The following ECI2 variants were observed in gnomAD, a reference collection of about 807,000 sequenced individuals.
The protein encoded by ECI2 is enoyl-CoA delta isomerase 2.
A neutral mutation model predicts 38.4 loss-of-function variants in ECI2; 27 were observed. The ratio of observed to expected loss-of-function variants is 0.70; its 90% CI spans 0.52 to 0.97. ECI2 has a LOEUF of 0.97. Among genes scored for constraint, ECI2 ranks in the 50% least tolerant of loss-of-function variants. The pLI is 0.00. For missense variants in ECI2, 470 were observed against 474.4 expected, an observed-to-expected ratio of 0.99 and a Z score of 0.09; for synonymous variants, 168 against 172.0, an observed-to-expected ratio of 0.98 and a Z score of 0.18.
chr6:4,116,559 A>G (rs1342920107), intron 9 of ECI2, among the ~76,000 whole-genome samples: 3 of 151,368 alleles, frequency 2.0e-5, no homozygotes, highest in African/African-American at 7.3e-5. Context: ...TCCCTGCCTC[A>G]GCATCCAGAG....
chr6:4,120,525 G>A (rs1401847847), intron 7 of ECI2, among the ~76,000 whole-genome samples: 6 of 152,084 alleles, frequency 3.9e-5, no homozygotes, highest in Non-Finnish European at 8.8e-5. Flanking sequence ...TCAGCAGTTC[G>A]AGACCAGCCT....
chr6:4,115,948 G>T lies in ECI2; in HGVS notation c.1111C>A (p.Leu371Ile), dbSNP rs907854084. The T allele has an allele frequency of 6.2e-7, 1 of 1,614,060 alleles. No individual in the cohort carries two copies. Among genetic ancestry groups the T allele is most frequent in the African/African-American group, 1.3e-5 (1 of 74,926 alleles). Residue 371 changes from leucine (L) to isoleucine (I), a missense_variant, in exon 10 of 10, where the codon CTT becomes ATT. Coordinates refer to ENST00000380118, the MANE Select transcript of ECI2 (RefSeq NM_206836.3). ...HAVNAEECNV[L>I]QGRWLSDECT... ...TCATCTGATAGCCATCTTCCCTGAAGGACATTGCATTCTTCAGCATTAACA... is the reference window on the plus strand; with the variant it reads ...TCATCTGATAGCCATCTTCCCTGAATGACATTGCATTCTTCAGCATTAACA...
chr6:4,117,710 G>C (rs1487962096), intron 8 of ECI2: 1 of 350,964 alleles, frequency 2.8e-6, no homozygotes, highest in Non-Finnish European at 5.1e-6. Context: ...GTCCAGGGCA[G>C]AAATGATCTG....
intron 5 of ECI2, 59 bp downstream of exon 5, chr6:4,127,703 T>G (rs1773261174): frequency 6.5e-7 from 1 of 1,548,608 alleles, no homozygotes; most frequent in African/African-American, 1.4e-5. Flanking sequence ...CAATTTCCTA[T>G]CTATTAAGAG....
chr6:4,118,032 A>G (rs1285662711), intron 8 of ECI2: 1 of 152,216 alleles, frequency 6.6e-6, no homozygotes, highest in Non-Finnish European at 1.5e-5. Context: ...CAGAAAAGGA[A>G]TGCTCTTCTT....
intron 2 of ECI2, among the ~76,000 whole-genome samples, chr6:4,131,407 A>G (rs1263876844): frequency 6.6e-6 from 1 of 152,230 alleles, no homozygotes; most frequent in Non-Finnish European, 1.5e-5. Context: ...GTAAAAAGCA[A>G]AAAGGAATTA....
At chr6:4,130,160 T>G (rs373910878) in intron 4 of ECI2, 5 of 1,613,804 alleles carry the variant, frequency 3.1e-6, no homozygotes, top group Non-Finnish European at 3.4e-6. Context: ...CAGTGCCTTC[T>G]GGGTATATCA....
At chr6:4,135,337 G>A (rs944305353) in intron 1 of ECI2, 174 bp downstream of exon 1, 3 of 1,471,006 alleles carry the variant, frequency 2.0e-6, no homozygotes. Context: ...GGTGCAGGAG[G>A]GCGCGCGTGA....
At chr6:4,132,344 G>A (rs1773540468) in intron 2 of ECI2, among the ~76,000 whole-genome samples, 3 of 152,002 alleles carry the variant, frequency 2.0e-5, no homozygotes, top group Admixed American at 2.0e-4. Flanking sequence ...GGTGTCCAGA[G>A]TTTTTAACAG....
chr6:4,135,276 A>C, intron 1 of ECI2: 4 of 1,217,032 alleles, frequency 3.3e-6, no homozygotes, highest in Non-Finnish European at 3.4e-6. Context: ...CTGACAGGGA[A>C]CCATAGCCCT....
Position 4,131,654 on chromosome 6 carries a change from C to T in ECI2, c.214-789G>A, listed in dbSNP as rs184311718. On this transcript the variant is annotated intron_variant, in intron 2 of 9. Coordinates refer to ENST00000380118, the MANE Select transcript of ECI2 (RefSeq NM_206836.3). ...GGTGGATCACCTGAGGTCAGGAGTT[C>T]GAGACCAGCCTGACCAATATGGTAA... Among the ~76,000 whole-genome samples, 25 of 151,890 alleles carry T rather than the reference C, an allele frequency of 1.6e-4. No individual in the cohort carries two copies. The East Asian group carries it at 3.7e-3, about 22-fold the overall frequency.
In ECI2 at chr6:4,117,418, T is replaced by G; in HGVS notation, c.919A>C (p.Thr307Pro). 6.2e-7 allele frequency: 1 copy of G among 1,613,658 alleles called. No homozygotes were observed. The highest frequency in any genetic ancestry group is 8.5e-7 in the Non-Finnish European group (1 of 1,179,916). The change falls in exon 9 of 10, where the codon ACA becomes CCA. Residue 307 changes from threonine to proline, a missense_variant. Coordinates refer to ENST00000380118, the MANE Select transcript of ECI2 (RefSeq NM_206836.3). ...TEMLIFGKKL[T>P]AGEACAQGLV... ...CCTTGAGCACATGCCTCTCCCGCTG[T>G]TAACTTCTTTCCAAAAATAAGCATC...
intron 2 of ECI2, among the ~76,000 whole-genome samples, chr6:4,133,347 G>A (rs577949748): frequency 1.3e-5 from 2 of 152,138 alleles, no homozygotes; most frequent in South Asian, 2.1e-4. Flanking sequence ...GTGTGACACT[G>A]AGGCACTTTG....
chr6:4,119,660 T>G (rs1365579597), intron 7 of ECI2, among the ~76,000 whole-genome samples: 1 of 152,186 alleles, frequency 6.6e-6, no homozygotes, highest in African/African-American at 2.4e-5. Context: ...GCTTATAACT[T>G]CACAATACTT....
Position 4,116,041 on chromosome 6 carries a change from A to C in ECI2, c.1030-12T>G. 6.2e-7 allele frequency: 1 copy of C among 1,610,038 alleles called. No individual in the cohort carries two copies. Among genetic ancestry groups the C allele is most frequent in the Non-Finnish European group, 8.5e-7 (1 of 1,178,120 alleles). On this transcript the variant is annotated splice_polypyrimidine_tract_variant and intron_variant, in intron 9 of 9. Coordinates refer to ENST00000380118, the MANE Select transcript of ECI2 (RefSeq NM_206836.3). ...GAAATTCTCAAGGCCTGGAAAAACA[A>C]AACCAACAATAAGGTTAAGAGTTGA...
In ECI2 at chr6:4,130,374, C is replaced by T. The variant is rs1204495447; in HGVS notation, c.499G>A (p.Glu167Lys). 5 of 1,614,068 alleles carry T rather than the reference C, an allele frequency of 3.1e-6. No individual in the cohort carries two copies. In the Admixed American group the frequency reaches 8.3e-5, roughly 27 times the overall value. Residue 167 changes from glutamate (E) to lysine (K), a missense_variant and splice_region_variant, in exon 4 of 10, where the codon GAG (glutamate) becomes AAG (lysine). Glu to Lys is a moderately conservative substitution (Grantham distance 56). Coordinates refer to ENST00000380118, the MANE Select transcript of ECI2 (RefSeq NM_206836.3). ...RPKKKNAINTEMYHEIMRALK... is the reference protein window; with the variant it reads ...RPKKKNAINTKMYHEIMRALK... ...ACTCCGTGGGCAGGTAACATTACCT[C>T]AGTGTTTATGGCATTTTTCTTTTTG...
chr6:4,135,438 G>C (rs1773677457), intron 1 of ECI2, 73 bp downstream of exon 1: 6 of 1,607,454 alleles, frequency 3.7e-6, no homozygotes, highest in African/African-American at 1.3e-5. Context: ...GTCTTCCAAC[G>C]GCGGCGACCT....
At chr6:4,118,576 G>A (rs1018760139) in intron 8 of ECI2, 1 of 152,256 alleles carries the variant, frequency 6.6e-6, no homozygotes, top group African/African-American at 2.4e-5. Flanking sequence ...AATCCCCTTC[G>A]AGTCATGCCA....
At chr6:4,121,151 T>C (rs957902296) in intron 7 of ECI2, among the ~76,000 whole-genome samples, 2 of 152,252 alleles carry the variant, frequency 1.3e-5, no homozygotes, top group Admixed American at 6.5e-5. Context: ...CATGCTAGTA[T>C]GTATGTAGTG....
Sources: allele counts gnomAD v4.1 joint callset (sites outside exome capture counted in the v4.1 genomes callset), GRCh38; gene constraint gnomAD v4.1.1; transcripts MANE v1.5; gene names NCBI Gene and HGNC (gene_info 2026-07-23, HGNC 2026-07-21).